The following DMD variants were observed in gnomAD, a reference collection of about 807,000 sequenced individuals.
DMD encodes the protein mutant dystrophin.
DMD carries 63 observed loss-of-function variants against 330.1 expected under a neutral mutation model. That is an observed-to-expected ratio of 0.19 (90% confidence interval 0.16 to 0.24). The LOEUF is 0.24. Among genes scored for constraint, DMD ranks in the 10% least tolerant of loss-of-function variants. DMD has a pLI of 1.00. For missense variants in DMD, 3,344 were observed against 2,684.1 expected, an observed-to-expected ratio of 1.25 and a Z score of -5.43; for synonymous variants, 1,223 against 959.8, an observed-to-expected ratio of 1.27 and a Z score of -5.07.
At chrX:33,328,328 C>G (rs1359954568) in intron 1 of DMD, among the ~76,000 whole-genome samples, 2 of 110,412 alleles carry the variant, frequency 1.8e-5, no homozygotes, top group Non-Finnish European at 3.8e-5. Flanking sequence ...CTCAGCCTCC[C>G]GAGTAGCTGG....
intron 60 of DMD, among the ~76,000 whole-genome samples, chrX:31,427,486 G>A (rs1299573791): frequency 1.2e-4 from 13 of 111,786 alleles, no homozygotes; most frequent in Non-Finnish European, 2.4e-4. Context: ...CTATTGGGTA[G>A]AGGGTCTCGA....
At chrX:31,403,455 G>A (rs1052424197) in intron 60 of DMD, among the ~76,000 whole-genome samples, 2 of 111,944 alleles carry the variant, frequency 1.8e-5, no homozygotes, top group Admixed American at 9.5e-5. Context: ...TTTTATGTAT[G>A]TGAAAAAAAC....
At chrX:32,318,962 T>G (rs903305230) in intron 41 of DMD, among the ~76,000 whole-genome samples, 1 of 110,826 alleles carries the variant, frequency 9.0e-6, no homozygotes, top group East Asian at 2.9e-4. Flanking sequence ...CTCATGTGGA[T>G]TCTGACTTTC....
intron 55 of DMD, among the ~76,000 whole-genome samples, chrX:31,560,373 G>T (rs2075127265): frequency 9.0e-6 from 1 of 111,362 alleles, no homozygotes; most frequent in Admixed American, 9.5e-5. Flanking sequence ...AATTATTACA[G>T]AACTGAATCT....
chrX:31,726,514 G>C (rs2086068006), intron 52 of DMD, among the ~76,000 whole-genome samples: 1 of 112,259 alleles, frequency 8.9e-6, no homozygotes, highest in African/African-American at 3.2e-5. Context: ...ATCATCAAAT[G>C]AGAAAATACA....
intron 21 of DMD, among the ~76,000 whole-genome samples, chrX:32,480,224 T>G (rs1364205913): frequency 1.8e-5 from 2 of 111,979 alleles, no homozygotes; most frequent in Non-Finnish European, 3.8e-5. Flanking sequence ...TTACACATGT[T>G]AAAATTAGAA....
At chrX:32,310,481 C>T (rs188929329) in intron 41 of DMD, among the ~76,000 whole-genome samples, 9 of 111,013 alleles carry the variant, frequency 8.1e-5, no homozygotes, top group Non-Finnish European at 1.1e-4. Flanking sequence ...GTGTTAAAAG[C>T]ATTTCATAAT....
At chrX:32,288,307 T>C (rs555258652) in intron 42 of DMD, among the ~76,000 whole-genome samples, 3 of 111,989 alleles carry the variant, frequency 2.7e-5, no homozygotes, top group Non-Finnish European at 3.8e-5. Flanking sequence ...AATTGAATTA[T>C]AGTAATTCAA....
intron 7 of DMD, among the ~76,000 whole-genome samples, chrX:32,782,498 G>A (rs1239652945): frequency 2.7e-5 from 3 of 111,317 alleles, no homozygotes; most frequent in Non-Finnish European, 5.7e-5. Flanking sequence ...ATGATTGTGT[G>A]TAAAAGAGAA....
chrX:32,322,658 G>A (rs1234819270), intron 41 of DMD, among the ~76,000 whole-genome samples: 3 of 111,685 alleles, frequency 2.7e-5, no homozygotes, highest in African/African-American at 9.7e-5. Flanking sequence ...TACTTCAATA[G>A]ATGGGACAGA....
chrX:32,538,043 C>T (rs1603635784), intron 17 of DMD, among the ~76,000 whole-genome samples: 1 of 112,245 alleles, frequency 8.9e-6, no homozygotes, highest in Non-Finnish European at 1.9e-5. Flanking sequence ...CCCAGGGAAG[C>T]TTTAATTCTA....
chrX:31,146,138 T>C (rs1277416738), intron 76 of DMD, among the ~76,000 whole-genome samples, 153 bp downstream of exon 76: 2 of 112,771 alleles, frequency 1.8e-5, no homozygotes, highest in African/African-American at 3.2e-5. Flanking sequence ...TTTTTAGAAT[T>C]TTCTTTTTAG....
chrX:32,287,827 T>A, intron 42 of DMD, 126 bp from the exon 43 acceptor site: 1 of 471,606 alleles, frequency 2.1e-6, no homozygotes, highest in Non-Finnish European at 3.3e-6. Flanking sequence ...TATTGACTTT[T>A]TAAAGTTAAT....
intron 7 of DMD, among the ~76,000 whole-genome samples, chrX:32,752,470 G>C (rs1350786412): frequency 2.8e-5 from 3 of 108,696 alleles, no homozygotes; most frequent in Non-Finnish European, 5.7e-5. Flanking sequence ...CCCAATGCCT[G>C]TAACCCCACT....
chrX:33,146,315 ATT>A (rs1467627529), intron 1 of DMD, among the ~76,000 whole-genome samples: 1 of 111,529 alleles, frequency 9.0e-6, no homozygotes, highest in Non-Finnish European at 1.9e-5. Context: ...TTCTGTCTGT[ATT>A]GATTAGACTA....
intron 44 of DMD, among the ~76,000 whole-genome samples, chrX:32,019,888 G>C (rs1341314737): frequency 8.9e-6 from 1 of 112,666 alleles, no homozygotes; most frequent in Non-Finnish European, 1.9e-5. Context: ...GGGCTAAGTT[G>C]AATTAATTCT....
At chrX:32,369,715 T>G (rs2097866340) in intron 34 of DMD, among the ~76,000 whole-genome samples, 1 of 111,160 alleles carries the variant, frequency 9.0e-6, no homozygotes, top group African/African-American at 3.3e-5. Flanking sequence ...GGACTTATAT[T>G]CTTAAGATAA....
chrX:33,232,585 C>A (rs1289871469), intron 1 of DMD, among the ~76,000 whole-genome samples: 1 of 111,532 alleles, frequency 9.0e-6, no homozygotes, highest in Non-Finnish European at 1.9e-5. Flanking sequence ...AATTTCAATT[C>A]TTTCTCTTCT....
chrX:32,775,149 G>A (rs1239511885), intron 7 of DMD, among the ~76,000 whole-genome samples: 1 of 112,826 alleles, frequency 8.9e-6, no homozygotes. Flanking sequence ...GCTGATGCAA[G>A]GGGTGGGCTC....
Sources: allele counts gnomAD v4.1 joint callset (sites outside exome capture counted in the v4.1 genomes callset), GRCh38; gene constraint gnomAD v4.1.1; transcripts MANE v1.5; gene names NCBI Gene and HGNC (gene_info 2026-07-23, HGNC 2026-07-21).